LRRC4C: variants seen among roughly 807,000 people sequenced by gnomAD.
LRRC4C encodes leucine-rich repeat-containing protein 4C.
A neutral mutation model predicts 33.6 loss-of-function variants in LRRC4C; 5 were observed. That is an observed-to-expected ratio of 0.15 (90% CI 0.08 to 0.31). The LOEUF (loss-of-function observed/expected upper bound fraction) is 0.31, where lower values mean the gene tolerates loss of function less well. Among genes scored for constraint, LRRC4C ranks in the 10% least tolerant of loss-of-function variants. The probability of loss-of-function intolerance (pLI) is 1.00; values close to 1 mark genes in which losing one functional copy is unlikely to be tolerated. For synonymous variants in LRRC4C, 329 were observed against 302.0 expected, an observed-to-expected ratio of 1.09 and a Z score of -0.93; for missense variants, 560 against 796.7, an observed-to-expected ratio of 0.70 and a Z score of 3.58.
At position 40,908,058 on chromosome 11, in the gene LRRC4C, A is replaced by C. The variant is rs536095356; in HGVS notation, c.-407+25577T>G. Among the ~76,000 whole-genome samples, 6 of 152,290 alleles carry C rather than the reference A, an allele frequency of 3.9e-5. No individual in the cohort carries two copies. In the South Asian group the frequency reaches 1.2e-3, roughly 32 times the overall value. On this transcript the variant is annotated intron_variant, in intron 2 of 6. Coordinates refer to ENST00000528697, the MANE Select transcript of LRRC4C (RefSeq NM_001258419.2). ...CAGTTTAAGGGCACTGCATCAGAAA[A>C]AGCAAGGATTTTTTTTCACATTGAA...
At chr11:40,988,810 G>A (rs1805410103) in intron 1 of LRRC4C, among the ~76,000 whole-genome samples, 1 of 142,470 alleles carries the variant, frequency 7.0e-6, no homozygotes, top group African/African-American at 2.6e-5. Flanking sequence ...TCCACCTCCC[G>A]GGTTCATGCC....
At chr11:41,139,731 C>A (rs1246379667) in intron 1 of LRRC4C, among the ~76,000 whole-genome samples, 1 of 152,084 alleles carries the variant, frequency 6.6e-6, no homozygotes, top group Non-Finnish European at 1.5e-5. Context: ...GCAGTTGGAT[C>A]CCTTTCTTTA....
At chr11:40,952,319 T>C (rs1347168742) in intron 1 of LRRC4C, among the ~76,000 whole-genome samples, 1 of 151,904 alleles carries the variant, frequency 6.6e-6, no homozygotes, top group Admixed American at 6.6e-5. Flanking sequence ...ATTTTGGGAA[T>C]CTAGGAAGCA....
intron 2 of LRRC4C, among the ~76,000 whole-genome samples, chr11:40,748,056 T>C (rs1948510433): frequency 6.6e-6 from 1 of 152,160 alleles, no homozygotes; most frequent in Admixed American, 6.5e-5. Context: ...CAGGAGGCTC[T>C]GTGATCCCTA....
chr11:40,914,403 C>T (rs761262931), intron 2 of LRRC4C, among the ~76,000 whole-genome samples: 6 of 152,160 alleles, frequency 3.9e-5, no homozygotes, highest in Non-Finnish European at 5.9e-5. Flanking sequence ...ATATGCAAAT[C>T]AATAAACGTA....
chr11:41,286,110 T>G (rs1416637685), intron 1 of LRRC4C, among the ~76,000 whole-genome samples: 1 of 152,178 alleles, frequency 6.6e-6, no homozygotes, highest in African/African-American at 2.4e-5. Context: ...ATTACAGGCG[T>G]GAGCCACCAC....
intron 3 of LRRC4C, among the ~76,000 whole-genome samples, chr11:40,429,745 A>G (rs1950848522): frequency 6.6e-6 from 1 of 152,158 alleles, no homozygotes; most frequent in South Asian, 2.1e-4. Flanking sequence ...AGATAAGAAA[A>G]AGTTTATAGA....
intron 1 of LRRC4C, among the ~76,000 whole-genome samples, chr11:41,305,384 C>G (rs1950467904): frequency 1.9e-5 from 1 of 52,024 alleles, no homozygotes; most frequent in African/African-American, 4.3e-5. Context: ...TGCCCGGCCA[C>G]CACCCCGTCT....
At chr11:40,543,152 G>A (rs1265117759) in intron 3 of LRRC4C, among the ~76,000 whole-genome samples, 1 of 151,868 alleles carries the variant, frequency 6.6e-6, no homozygotes, top group Non-Finnish European at 1.5e-5. Flanking sequence ...AAACTTGCAG[G>A]CCAGTCATGC....
At chr11:41,420,823 G>T (rs769552319) in intron 1 of LRRC4C, among the ~76,000 whole-genome samples, 6 of 151,902 alleles carry the variant, frequency 3.9e-5, no homozygotes, top group Non-Finnish European at 4.4e-5. Context: ...AACTAAAACA[G>T]TAACATGACC....
At chr11:40,458,903 G>A (rs575737446) in intron 3 of LRRC4C, among the ~76,000 whole-genome samples, 36 of 152,096 alleles carry the variant, frequency 2.4e-4, no homozygotes, top group African/African-American at 8.2e-4. Flanking sequence ...TGCTAAGAGT[G>A]GATATAGTTA....
chr11:40,148,032 A>G (rs562876565), intron 5 of LRRC4C, among the ~76,000 whole-genome samples: 5 of 152,232 alleles, frequency 3.3e-5, no homozygotes, highest in Admixed American at 1.3e-4. Context: ...GCTAAGAATA[A>G]CGGCCTCCAG....
At chr11:40,210,618 A>ACT (rs1466493596) in intron 5 of LRRC4C, among the ~76,000 whole-genome samples, 5 of 151,824 alleles carry the variant, frequency 3.3e-5, no homozygotes. Context: ...GTCTCCTACA[A>ACT]CTCACCCTTT....
chr11:40,995,527 C>T (rs1249600572), intron 1 of LRRC4C, among the ~76,000 whole-genome samples: 2 of 152,106 alleles, frequency 1.3e-5, no homozygotes, highest in African/African-American at 2.4e-5. Context: ...TTTCTAATCA[C>T]GTCTAATCCA....
chr11:40,813,527 G>T (rs140023486), intron 2 of LRRC4C, among the ~76,000 whole-genome samples: 3,414 of 152,110 alleles, frequency 0.022, 138 homozygotes, highest in African/African-American at 0.079. Context: ...GATGAGATTT[G>T]GGTGGGGACA....
chr11:41,391,722 A>T (rs1371707476), intron 1 of LRRC4C, among the ~76,000 whole-genome samples: 2 of 151,902 alleles, frequency 1.3e-5, no homozygotes, highest in African/African-American at 4.8e-5. Context: ...TCAAGTTCCT[A>T]TAATACCTCA....
intron 4 of LRRC4C, among the ~76,000 whole-genome samples, chr11:40,302,194 T>C (rs765431420): frequency 1.3e-5 from 2 of 152,202 alleles, no homozygotes; most frequent in Non-Finnish European, 2.9e-5. Context: ...AGGGTGACTG[T>C]TACGTGAGTG....
intron 3 of LRRC4C, among the ~76,000 whole-genome samples, chr11:40,585,986 C>A (rs1268868959): frequency 7.4e-6 from 1 of 136,020 alleles, no homozygotes; most frequent in African/African-American, 2.8e-5. Context: ...GGGTATATAC[C>A]CAGTAATGGG....
At chr11:41,054,839 A>C (rs1858502007) in intron 1 of LRRC4C, among the ~76,000 whole-genome samples, 1 of 152,198 alleles carries the variant, frequency 6.6e-6, no homozygotes, top group Admixed American at 6.5e-5. Context: ...TGAGTGTTGT[A>C]AAAAGAGAAG....
Sources: gnomAD v4.1 joint callset for allele counts (sites outside exome capture counted in the v4.1 genomes callset) on GRCh38, gnomAD v4.1.1 for gene constraint, MANE v1.5 for transcripts, NCBI Gene and HGNC (gene_info 2026-07-23, HGNC 2026-07-21) for gene names.